The following CD96 variants were observed in gnomAD, a reference collection of about 807,000 sequenced individuals.
CD96 encodes the protein T-cell surface protein tactile.
Under a neutral mutation model 71.3 loss-of-function variants are expected in CD96, and 70 were observed. That is an observed-to-expected ratio of 0.98 (90% CI 0.81 to 1.20). The LOEUF is 1.20. Among genes scored for constraint, CD96 ranks in the 50% most tolerant of loss-of-function variants. The pLI is 0.00. For synonymous variants in CD96, 248 were observed against 233.0 expected, an observed-to-expected ratio of 1.06 and a Z score of -0.59; for missense variants, 742 against 677.5, an observed-to-expected ratio of 1.10 and a Z score of -1.06.
chr3:111,622,175 T>C (rs1419009208), intron 8 of CD96, among the ~76,000 whole-genome samples: 1 of 152,204 alleles, frequency 6.6e-6, no homozygotes, highest in Admixed American at 6.5e-5. Context: ...TGGAATGTAG[T>C]TCTTGACTTG....
chr3:111,593,087 C>T (rs1044287040), intron 5 of CD96: 3 of 153,994 alleles, frequency 1.9e-5, no homozygotes, highest in South Asian at 2.0e-4. Context: ...GTGCTAAGAC[C>T]TCAGTCCTAG....
chr3:111,615,940 G>A (rs957647886), intron 8 of CD96, among the ~76,000 whole-genome samples: 1 of 152,000 alleles, frequency 6.6e-6, no homozygotes, highest in African/African-American at 2.4e-5. Context: ...CACTTCCTAT[G>A]CCTGAAAAAT....
intron 2 of CD96, among the ~76,000 whole-genome samples, chr3:111,546,685 A>C (rs2107464196): frequency 6.6e-6 from 1 of 152,258 alleles, no homozygotes; most frequent in Non-Finnish European, 1.5e-5. Flanking sequence ...AATATAAGAA[A>C]AAAAAATAAC....
intron 4 of CD96, among the ~76,000 whole-genome samples, chr3:111,581,933 G>A (rs975085623): frequency 3.3e-5 from 5 of 152,140 alleles, no homozygotes; most frequent in African/African-American, 9.7e-5. Context: ...TCAGGGAAGG[G>A]AAGGAAGATA....
chr3:111,586,153 T>A (rs1426192649), intron 5 of CD96, among the ~76,000 whole-genome samples: 3 of 152,330 alleles, frequency 2.0e-5, no homozygotes, highest in African/African-American at 4.8e-5. Context: ...ACATTATTGT[T>A]CTTGTTTTTG....
chr3:111,624,430 A>C, intron 10 of CD96, 26 bp downstream of exon 10: 1 of 1,338,332 alleles, frequency 7.5e-7, no homozygotes, highest in Non-Finnish European at 1.1e-6. Flanking sequence ...GGGTCCCTTG[A>C]GTCCTCTGGA....
At chr3:111,594,271 T>C in intron 5 of CD96, 8 of 1,498,848 alleles carry the variant, frequency 5.3e-6, no homozygotes, top group Non-Finnish European at 7.2e-6. Flanking sequence ...AACCACAAGA[T>C]TAAATATATA....
chr3:111,642,956 C>A (rs1216704432), intron 12 of CD96, among the ~76,000 whole-genome samples: 1 of 151,698 alleles, frequency 6.6e-6, no homozygotes, highest in Non-Finnish European at 1.5e-5. Flanking sequence ...AAGGAATCCT[C>A]CCTAATTCAT....
downstream of CD96, among the ~76,000 whole-genome samples, chr3:111,654,366 C>G (rs1339658149): frequency 6.6e-6 from 1 of 152,172 alleles, no homozygotes; most frequent in African/African-American, 2.4e-5. Context: ...GACCAGAAAG[C>G]AGGATACTAT....
At chr3:111,655,612 C>T (rs1383040906), downstream of CD96, among the ~76,000 whole-genome samples, 1 of 151,974 alleles carries the variant, frequency 6.6e-6, no homozygotes, top group East Asian at 1.9e-4. Flanking sequence ...AAAACATTAC[C>T]TAAGGGTTAT....
chr3:111,662,981 T>C (rs1024390993), intron 14 of CD96, among the ~76,000 whole-genome samples: 2 of 152,200 alleles, frequency 1.3e-5, no homozygotes, highest in African/African-American at 4.8e-5. Context: ...TATAGAGACA[T>C]ACCTGAGACT....
At chr3:111,595,308 A>C (rs1229808197) in intron 5 of CD96, 1 of 152,174 alleles carries the variant, frequency 6.6e-6, no homozygotes, top group East Asian at 1.9e-4. Flanking sequence ...ACAAGCAGGC[A>C]AGGCTCTGGA....
chr3:111,633,364 T>A (rs1168025779), intron 10 of CD96, among the ~76,000 whole-genome samples: 1 of 152,106 alleles, frequency 6.6e-6, no homozygotes, highest in African/African-American at 2.4e-5. Context: ...CCATAGTAGA[T>A]ATAACAATAA....
chr3:111,653,777 A>G (rs762094207), downstream of CD96, among the ~76,000 whole-genome samples: 57 of 151,862 alleles, frequency 3.8e-4, 1 homozygote, highest in Non-Finnish European at 7.4e-4. Context: ...TTTTTTTTTT[A>G]CACTTGATCT....
rs765950545 is a variant in CD96 at position 111,593,807 on chromosome 3, G to A, written c.808-4313G>A. The A allele has an allele frequency of 5.6e-6, 9 of 1,614,176 alleles. No homozygotes were observed. In the Admixed American group the frequency reaches 1.5e-4, roughly 27 times the overall value. ...ACCCCAGTTACCCTCAATGCCTGTG[G>A]GGAGCTGGGGCCCGTGGGGCCTTGG... is the stretch of plus-strand genomic sequence containing the variant. On this transcript the variant is annotated intron_variant, in intron 5 of 13. Coordinates refer to ENST00000352690, the MANE Select transcript of CD96 (RefSeq NM_005816.5).
At chr3:111,578,924 C>A in intron 3 of CD96, 103 bp from the exon 4 acceptor site, 1 of 749,072 alleles carries the variant, frequency 1.3e-6, no homozygotes, top group African/African-American at 1.7e-5. Context: ...TTCATTCTTC[C>A]TCTCTACTTT....
chr3:111,665,166 G>A (rs915227316), intron 14 of CD96, among the ~76,000 whole-genome samples: 1 of 150,332 alleles, frequency 6.7e-6, no homozygotes, highest in Non-Finnish European at 1.5e-5. Context: ...CTAGGTAGAT[G>A]GAATAAGTGT....
At position 111,567,563 on chromosome 3, in the gene CD96, A is replaced by G. The variant is rs1196660805; in HGVS notation, c.459A>G (p.Ile153Met). 6.2e-7 allele frequency: 1 copy of G among 1,604,552 alleles called. No homozygotes were observed. Among genetic ancestry groups the G allele is most frequent in the East Asian group, 2.2e-5 (1 of 44,822 alleles). The change falls in exon 3 of 14, where the codon ATA becomes ATG. Residue 153 changes from isoleucine (I) to methionine (M), a missense_variant. Coordinates refer to ENST00000352690, the MANE Select transcript of CD96 (RefSeq NM_005816.5). ...DEWNSNHTIEIEINQTLEIPC... is the reference protein window; with the variant it reads ...DEWNSNHTIEMEINQTLEIPC... ...GGAACAGCAACCATACGATAGAAAT[A>G]GAGATAAATCAGACTCTGGAAATAC...
intron 10 of CD96, chr3:111,634,397 C>G (rs1022499618): frequency 6.6e-6 from 1 of 152,298 alleles, no homozygotes; most frequent in African/African-American, 2.4e-5. Context: ...GCTCCAATAA[C>G]ACAGTATTCA....
Sources: allele counts gnomAD v4.1 joint callset (sites outside exome capture counted in the v4.1 genomes callset), GRCh38; gene constraint gnomAD v4.1.1; transcripts MANE v1.5; gene names NCBI Gene and HGNC (gene_info 2026-07-23, HGNC 2026-07-21).